Variants in ATP8A2 observed in about 807,000 individuals in gnomAD.
ATP8A2 encodes phospholipid-transporting ATPase IB.
Under a neutral mutation model 165.6 loss-of-function variants are expected in ATP8A2, and 100 were observed. The ratio of observed to expected loss-of-function variants is 0.60; its 90% CI spans 0.51 to 0.71. The LOEUF (loss-of-function observed/expected upper bound fraction) is 0.71. ATP8A2 is among the 30% of genes least tolerant of loss of function. The pLI is 0.00. For synonymous variants in ATP8A2, 543 were observed against 548.8 expected (o/e 0.99, Z 0.15); for missense variants, 1,227 against 1,479.5 (o/e 0.83, Z 2.80).
At chr13:25,853,400 T>A (rs866215898) in intron 30 of ATP8A2, among the ~76,000 whole-genome samples, 19,041 of 91,702 alleles carry the variant, frequency 0.21, 1,631 homozygotes, top group Non-Finnish European at 0.27. Context: ...AAAAAAAATA[T>A]ATATATATAT....
chr13:25,561,196 A>T (rs1436679518), intron 15 of ATP8A2, among the ~76,000 whole-genome samples: 1 of 152,136 alleles, frequency 6.6e-6, no homozygotes, highest in African/African-American at 2.4e-5. Flanking sequence ...CCAGTGGGCC[A>T]TTCTGTCTCT....
At chr13:25,595,537 G>A (rs2040213835) in intron 24 of ATP8A2, among the ~76,000 whole-genome samples, 1 of 152,218 alleles carries the variant, frequency 6.6e-6, no homozygotes, top group South Asian at 2.1e-4. Context: ...TTCCCATTTT[G>A]CTGGCTGGAA....
chr13:25,976,793 T>C (rs190992822), intron 35 of ATP8A2, among the ~76,000 whole-genome samples: 8 of 151,552 alleles, frequency 5.3e-5, no homozygotes, highest in Admixed American at 3.9e-4. Context: ...TGTTTGTTTG[T>C]TTGTTTGTTT....
At chr13:25,968,732 C>G in intron 35 of ATP8A2, 53 bp downstream of exon 35, 2 of 1,371,810 alleles carry the variant, frequency 1.5e-6, no homozygotes, top group Non-Finnish European at 2.1e-6. Context: ...CGGCCCTTTT[C>G]CCTTATTCCT....
At chr13:25,784,697 A>G (rs888981733) in intron 27 of ATP8A2, among the ~76,000 whole-genome samples, 3 of 152,142 alleles carry the variant, frequency 2.0e-5, no homozygotes, top group African/African-American at 7.2e-5. Flanking sequence ...TTCTTATCCA[A>G]CTGAAATCTT....
At chr13:25,498,505 G>T (rs950655402) in intron 2 of ATP8A2, among the ~76,000 whole-genome samples, 2 of 152,132 alleles carry the variant, frequency 1.3e-5, no homozygotes, top group African/African-American at 4.8e-5. Flanking sequence ...GTCTACCTTT[G>T]TCTTGTTACT....
chr13:25,492,080 G>A (rs561881640), intron 2 of ATP8A2, among the ~76,000 whole-genome samples: 26 of 151,770 alleles, frequency 1.7e-4, no homozygotes, highest in Non-Finnish European at 3.2e-4. Context: ...TTTTTGAGAC[G>A]GAGTCTCACT....
rs187070506 is a variant in ATP8A2 at position 25,993,422 on chromosome 13, A to C, written c.3378-19109A>C. Among the ~76,000 whole-genome samples, 234 of 152,372 alleles carry C rather than the reference A, an allele frequency of 1.5e-3. 1 individual carries two copies. In the East Asian group the frequency reaches 0.036, roughly 24 times the overall value. Reference sequence around the variant, plus strand: ...CAGGGCAATTAGGCAGGAGAAGGAAATAAAGGGTATTCAATTAGGAAAAGA... The same window carrying C: ...CAGGGCAATTAGGCAGGAGAAGGAACTAAAGGGTATTCAATTAGGAAAAGA... On this transcript the variant is annotated intron_variant, in intron 35 of 36. Coordinates refer to ENST00000381655, the MANE Select transcript of ATP8A2 (RefSeq NM_016529.6).
chr13:25,773,552 A>G (rs2044673463), intron 26 of ATP8A2, among the ~76,000 whole-genome samples: 1 of 152,108 alleles, frequency 6.6e-6, no homozygotes, highest in Non-Finnish European at 1.5e-5. Context: ...TCCAACTCAA[A>G]CCACAGGAGC....
At chr13:25,916,256 G>T (rs1238365053) in intron 33 of ATP8A2, among the ~76,000 whole-genome samples, 1 of 152,184 alleles carries the variant, frequency 6.6e-6, no homozygotes, top group Non-Finnish European at 1.5e-5. Context: ...CTGTGGCCAG[G>T]CCCTCTGCGC....
At chr13:25,862,763 G>T (rs1471346649) in intron 33 of ATP8A2, among the ~76,000 whole-genome samples, 2 of 152,188 alleles carry the variant, frequency 1.3e-5, no homozygotes, top group Admixed American at 1.3e-4. Flanking sequence ...CTAATCCATT[G>T]ATTATGTTGA....
chr13:25,847,523 T>C (rs891045311), intron 30 of ATP8A2, among the ~76,000 whole-genome samples: 3 of 152,156 alleles, frequency 2.0e-5, no homozygotes, highest in Middle Eastern at 3.2e-3. Flanking sequence ...TTTTAGACAG[T>C]TGGGTTTGGT....
At chr13:25,838,432 A>C (rs1290052454) in intron 29 of ATP8A2, among the ~76,000 whole-genome samples, 1 of 152,198 alleles carries the variant, frequency 6.6e-6, no homozygotes, top group Non-Finnish European at 1.5e-5. Flanking sequence ...TAATGGGAAA[A>C]TATGACCCAT....
rs1210973504 is a variant in ATP8A2 at position 25,953,960 on chromosome 13, T to A, written c.3184-7615T>A. Among the ~76,000 whole-genome samples, 2 of 28,460 alleles carry A rather than the reference T, an allele frequency of 7.0e-5. No individual in the cohort carries two copies. Among genetic ancestry groups the A allele is most frequent in the Non-Finnish European group, 1.2e-4 (2 of 16,152 alleles). The allele number at this position is 28,460 out of a possible 152,430, so 18.7% of individuals were successfully genotyped here. On this transcript the variant is annotated intron_variant, in intron 33 of 36. Coordinates refer to ENST00000381655, the MANE Select transcript of ATP8A2 (RefSeq NM_016529.6). This position sits in a 1 kb window ranked among gnomAD's most constrained non-coding sequence, Gnocchi z 6.7. Reference sequence around the variant, plus strand: ...CAGACACCGAGCTAGCTGCAGGAGTTTTTTTTTTTCATACCCCAGTGGCAC... The same window carrying A: ...CAGACACCGAGCTAGCTGCAGGAGTATTTTTTTTTCATACCCCAGTGGCAC...
At position 25,542,057 on chromosome 13, in the gene ATP8A2, C is replaced by G; in HGVS notation, c.779+11C>G. 2 of 1,612,458 alleles carry G rather than the reference C, an allele frequency of 1.2e-6. No individual in the cohort carries two copies. Among genetic ancestry groups the G allele is most frequent in the South Asian group, 2.2e-5 (2 of 90,890 alleles). On this transcript the variant is annotated intron_variant, in intron 9 of 36. Transcript: ENST00000381655. Reference sequence around the variant, plus strand: ...CTTAGATGGGAAAAGGTATTATATGCCTTTTCTTCATTGTCTTTTAAACTA... The same window carrying G: ...CTTAGATGGGAAAAGGTATTATATGGCTTTTCTTCATTGTCTTTTAAACTA...
intron 24 of ATP8A2, among the ~76,000 whole-genome samples, chr13:25,656,852 A>C (rs1009096160): frequency 2.6e-5 from 4 of 151,700 alleles, no homozygotes; most frequent in African/African-American, 9.7e-5. Context: ...CAGGAGTTCA[A>C]AACTAGCCTG....
At chr13:25,527,876 A>C (rs967293833) in intron 2 of ATP8A2, among the ~76,000 whole-genome samples, 1 of 152,176 alleles carries the variant, frequency 6.6e-6, no homozygotes, top group Admixed American at 6.5e-5. Context: ...GTTTATACAG[A>C]TGGAATCTCA....
intron 24 of ATP8A2, among the ~76,000 whole-genome samples, chr13:25,652,511 T>C (rs1372457859): frequency 6.6e-6 from 1 of 152,222 alleles, no homozygotes; most frequent in African/African-American, 2.4e-5. Flanking sequence ...AAAACGTATC[T>C]CATCTTTCTC....
intron 1 of ATP8A2, among the ~76,000 whole-genome samples, chr13:25,438,357 A>T (rs117754995): frequency 2.0e-5 from 3 of 152,312 alleles, no homozygotes; most frequent in Non-Finnish European, 2.9e-5. Flanking sequence ...AGAAAATGTA[A>T]TCTCTGCTGG....
Sources: gnomAD v4.1 joint callset for allele counts (sites outside exome capture counted in the v4.1 genomes callset) on GRCh38, gnomAD v4.1.1 for gene constraint, Gnocchi (gnomAD v3.1) non-coding constraint, MANE v1.5 for transcripts, NCBI Gene and HGNC (gene_info 2026-07-23, HGNC 2026-07-21) for gene names.